The following FHIT variants were observed in gnomAD, a reference collection of about 807,000 sequenced individuals.
FHIT encodes the protein fragile histidine triad diadenosine triphosphatase.
Under a neutral mutation model 17.9 loss-of-function variants are expected in FHIT, and 19 were observed. That is an observed-to-expected ratio of 1.06 (90% CI 0.74 to 1.56). The LOEUF is 1.56. Among genes scored for constraint, FHIT ranks in the 40% most tolerant of loss-of-function variants. FHIT has a pLI of 0.00. For missense variants in FHIT, 248 were observed against 189.2 expected (o/e 1.31, Z -1.82); for synonymous variants, 81 against 69.7 (o/e 1.16, Z -0.81).
chr3:61,001,572 T>C (rs938014380), intron 3 of FHIT, among the ~76,000 whole-genome samples: 1 of 152,224 alleles, frequency 6.6e-6, no homozygotes, highest in African/African-American at 2.4e-5. Flanking sequence ...ACATACTATA[T>C]GATTACTTTA....
chr3:60,305,603 T>C (rs1708635017), intron 5 of FHIT, among the ~76,000 whole-genome samples: 1 of 152,150 alleles, frequency 6.6e-6, no homozygotes, highest in Admixed American at 6.6e-5. Flanking sequence ...TGAATATTAA[T>C]AAATTAAGAT....
intron 3 of FHIT, among the ~76,000 whole-genome samples, chr3:60,955,613 T>TATACATATATATATATATATAC (rs1209887151): frequency 7.5e-5 from 1 of 13,314 alleles, no homozygotes; most frequent in African/African-American, 1.2e-4. Flanking sequence ...TATATATATA[T>TATACATATATATATATATATAC]ATATATATAT....
At chr3:60,235,640 CATT>C (rs1203325946) in intron 5 of FHIT, among the ~76,000 whole-genome samples, 2 of 152,144 alleles carry the variant, frequency 1.3e-5, no homozygotes, top group African/African-American at 4.8e-5. Context: ...ACAGCAACAT[CATT>C]GACAGTCTAC....
At chr3:61,216,325 T>C (rs1312328630) in intron 1 of FHIT, among the ~76,000 whole-genome samples, 1 of 152,104 alleles carries the variant, frequency 6.6e-6, no homozygotes, top group Non-Finnish European at 1.5e-5. Flanking sequence ...CATCAACAAG[T>C]GGGCGAAGGA....
rs868304766 is a variant in FHIT, at chr3:60,356,787, A to G, written c.103+180073T>C. Among the ~76,000 whole-genome samples the G allele has an allele frequency of 6.4e-4, 81 of 127,544 alleles. 7 individuals carry two copies. Among genetic ancestry groups the G allele is most frequent in the African/African-American group, 3.8e-3 (76 of 20,080 alleles). The allele number at this position is 127,544 out of a possible 152,430, so 83.7% of individuals were successfully genotyped here. On this transcript the variant is annotated intron_variant, in intron 5 of 9. Transcript: ENST00000492590. ...AAAAAAAAAAAAAAAAAAACGGAAG[A>G]AAGAGTAAATTGTATGAATCAGAAA...
intron 3 of FHIT, among the ~76,000 whole-genome samples, chr3:60,860,425 GA>G (rs1307973095): frequency 7.7e-6 from 1 of 130,054 alleles, no homozygotes; most frequent in African/African-American, 2.7e-5. Flanking sequence ...ATGTATATAT[GA>G]TACATATATA....
intron 3 of FHIT, among the ~76,000 whole-genome samples, chr3:60,869,965 A>G (rs1704336216): frequency 1.3e-5 from 2 of 152,174 alleles, no homozygotes; most frequent in African/African-American, 2.4e-5. Flanking sequence ...CAAAAGAACA[A>G]ATTAAGTACT....
intron 5 of FHIT, among the ~76,000 whole-genome samples, chr3:60,024,267 C>T (rs569195592): frequency 3.3e-5 from 5 of 152,284 alleles, no homozygotes; most frequent in African/African-American, 1.2e-4. Context: ...GAGAGTCACA[C>T]TTAACACTAA....
At position 59,749,522 on chromosome 3, in the gene FHIT, C is replaced by T. The variant is rs201214811; in HGVS notation, c.*63G>A. On this transcript the variant is annotated 3_prime_UTR_variant, in exon 10 of 10. Transcript: ENST00000492590. The stretch of plus-strand genomic sequence containing the variant: ...GTTCCTCTTGGGGAGAGGCGGGGGG[C>T]GGTCTTCAAACTGGTTGGCAATAGC... 98 of 209,198 alleles carry T rather than the reference C, an allele frequency of 4.7e-4. No individual in the cohort carries two copies. In the Middle Eastern group the frequency reaches 8.5e-3, roughly 18 times the overall value. 13.0% of individuals were successfully genotyped at this position (209,198 alleles called of 1,614,324 possible).
At chr3:60,634,137 C>T (rs1553683158) in intron 4 of FHIT, among the ~76,000 whole-genome samples, 2 of 152,158 alleles carry the variant, frequency 1.3e-5, no homozygotes, top group Non-Finnish European at 2.9e-5. Flanking sequence ...GCTTCACTTT[C>T]CTCATCTGTA....
chr3:60,023,982 A>G (rs1192955288), intron 5 of FHIT, among the ~76,000 whole-genome samples: 1 of 125,558 alleles, frequency 8.0e-6, no homozygotes, highest in South Asian at 2.9e-4. Context: ...AGAAAAATAT[A>G]CTTCATGGTA....
intron 1 of FHIT, among the ~76,000 whole-genome samples, chr3:61,249,124 A>G (rs1169455686): frequency 6.6e-6 from 1 of 152,162 alleles, no homozygotes; most frequent in Non-Finnish European, 1.5e-5. Context: ...GAAAGAGCAA[A>G]TTAGAGGAGA....
chr3:59,748,441 C>T lies in FHIT; in HGVS notation c.*1144G>A, dbSNP rs535035266. On this transcript the variant is annotated 3_prime_UTR_variant, in exon 10 of 10. Coordinates refer to ENST00000492590, the MANE Select transcript of FHIT (RefSeq NM_002012.4). ...TGATCTGAGAATCTTGCAAGTAGAA[C>T]CAAGTTGGTTGGGGAAATCCAGGCC... Among the ~76,000 whole-genome samples the T allele has an allele frequency of 1.3e-5, 2 of 151,990 alleles. No individual in the cohort carries two copies. Among genetic ancestry groups the T allele is most frequent in the Non-Finnish European group, 2.9e-5 (2 of 67,982 alleles).
In FHIT at chr3:60,124,009, T is replaced by TAG. The variant is rs1168094593; in HGVS notation, c.104-109859_104-109858dup. Among the ~76,000 whole-genome samples, 66 of 12,156 alleles carry TAG rather than the reference T, an allele frequency of 5.4e-3. 8 individuals are homozygous for TAG. Among genetic ancestry groups the TAG allele is most frequent in the East Asian group, 0.013 (6 of 446 alleles). The allele number at this position is 12,156 out of a possible 152,430, so 8.0% of individuals were successfully genotyped here. ...ATATATATATATATATATATATATA[T>TAG]AGAGAGAGAGAGAGAGAGAGAGAGA... On this transcript the variant is annotated intron_variant, in intron 5 of 9. Coordinates refer to ENST00000492590, the MANE Select transcript of FHIT (RefSeq NM_002012.4).
chr3:61,239,761 C>CTATATATATATATATGTATATA (rs1491311135), intron 1 of FHIT, among the ~76,000 whole-genome samples: 1 of 63,166 alleles, frequency 1.6e-5, no homozygotes, highest in Non-Finnish European at 3.0e-5. Context: ...AAACAACTGG[C>CTATATATATATATATGTATATA]CATATATATA....
At chr3:61,092,555 TTCCGTATTAG>T (rs1329642423) in intron 2 of FHIT, among the ~76,000 whole-genome samples, 1 of 152,060 alleles carries the variant, frequency 6.6e-6, no homozygotes, top group Non-Finnish European at 1.5e-5. Context: ...GTTAAAAAAC[TTCCGTATTAG>T]AATTTCCAGA....
intron 1 of FHIT, among the ~76,000 whole-genome samples, chr3:61,222,109 G>C (rs990828547): frequency 6.6e-6 from 1 of 152,214 alleles, no homozygotes; most frequent in African/African-American, 2.4e-5. Flanking sequence ...CCATCTGGAA[G>C]ACTCTCTAGT....
At chr3:59,974,819 T>G (rs760294617) in intron 7 of FHIT, among the ~76,000 whole-genome samples, 3 of 152,050 alleles carry the variant, frequency 2.0e-5, no homozygotes, top group Non-Finnish European at 4.4e-5. Flanking sequence ...GATATGGAAA[T>G]TGAGTCTATA....
chr3:60,825,752 C>T (rs183712709), intron 3 of FHIT, among the ~76,000 whole-genome samples: 2 of 152,250 alleles, frequency 1.3e-5, no homozygotes, highest in African/African-American at 4.8e-5. Context: ...ACCTCCCCAT[C>T]CATGGAAAAA....
Sources: gnomAD v4.1 joint callset for allele counts (sites outside exome capture counted in the v4.1 genomes callset) on GRCh38, gnomAD v4.1.1 for gene constraint, MANE v1.5 for transcripts, NCBI Gene and HGNC (gene_info 2026-07-23, HGNC 2026-07-21) for gene names.